Variants in CDH23 observed in about 807,000 individuals in gnomAD.
The protein encoded by CDH23 is cadherin related 23, also known as cadherin-23.
In CDH23, 189 loss-of-function variants were observed where a neutral mutation model predicts 317.1. That is an observed-to-expected ratio of 0.60 (90% CI 0.53 to 0.67). CDH23 has a LOEUF of 0.67. CDH23 is among the 30% of genes least tolerant of loss of function. The pLI, the probability that CDH23 is intolerant of heterozygous loss-of-function variation, is 0.00. For missense variants in CDH23, 4,401 were observed against 4,592.4 expected (o/e 0.96, Z 1.20); for synonymous variants, 1,839 against 1,876.8 (o/e 0.98, Z 0.52).
intron 3 of CDH23, among the ~76,000 whole-genome samples, chr10:71,484,766 T>C (rs1444615000): frequency 2.0e-5 from 3 of 152,228 alleles, no homozygotes; most frequent in African/African-American, 7.2e-5. Context: ...GTTTTTGGTA[T>C]ATACATTCTG....
At chr10:71,495,981 C>A (rs567679958) in intron 3 of CDH23, among the ~76,000 whole-genome samples, 3 of 152,242 alleles carry the variant, frequency 2.0e-5, no homozygotes, top group South Asian at 2.1e-4. Flanking sequence ...ATATTCAGAA[C>A]CTGAAAGTCT....
At chr10:71,558,265 G>C (rs1041657573) in intron 6 of CDH23, among the ~76,000 whole-genome samples, 2 of 152,126 alleles carry the variant, frequency 1.3e-5, no homozygotes, top group African/African-American at 4.8e-5. Flanking sequence ...CTCCCAAAGT[G>C]CTGGGATTAC....
intron 31 of CDH23, among the ~76,000 whole-genome samples, chr10:71,731,219 G>A (rs1357130336): frequency 2.6e-5 from 4 of 152,248 alleles, no homozygotes; most frequent in African/African-American, 9.6e-5. Context: ...CAGGGATACA[G>A]CTGAAAAGGA....
intron 11 of CDH23, among the ~76,000 whole-genome samples, chr10:71,636,882 C>T (rs187384346): frequency 6.6e-6 from 1 of 152,206 alleles, no homozygotes; most frequent in African/African-American, 2.4e-5. Flanking sequence ...GGCAGAGCCA[C>T]CCACCATGTG....
intron 1 of CDH23, among the ~76,000 whole-genome samples, chr10:71,424,531 C>G (rs984845702): frequency 1.3e-5 from 2 of 152,176 alleles, no homozygotes; most frequent in Non-Finnish European, 1.5e-5. Flanking sequence ...TCGATACCCC[C>G]ACTCATCCCC....
chr10:71,798,575 G>A lies in CDH23; in HGVS notation c.7051G>A (p.Ala2351Thr), dbSNP rs1260405745. The A allele has an allele frequency of 6.2e-7, 1 of 1,606,786 alleles. No homozygotes were observed. The highest frequency in any genetic ancestry group is 1.1e-5 in the South Asian group (1 of 90,534). ...PGYVQLEDSS[A>T]GKVIANRTVD... ...GTATGTCCAGCTGGAGGACTCCTCG[G>A]CAGGTAGGTTAGAAATCTGTCAGAG... Residue 2351 changes from alanine to threonine, a missense_variant, in exon 50 of 70, where the codon GCA (alanine) becomes ACA (threonine). Physicochemically the swap from Ala to Thr is moderately conservative, Grantham distance 58. Coordinates refer to ENST00000224721, the MANE Select transcript of CDH23 (RefSeq NM_022124.6).
chr10:71,746,509 G>A lies in CDH23; in HGVS notation c.4845+4588G>A, dbSNP rs998781509. Among the ~76,000 whole-genome samples the A allele has an allele frequency of 4.6e-5, 7 of 152,246 alleles. No individual in the cohort carries two copies. The East Asian group carries it at 1.3e-3, about 29-fold the overall frequency. On this transcript the variant is annotated intron_variant, in intron 38 of 69. Coordinates refer to ENST00000224721, the MANE Select transcript of CDH23 (RefSeq NM_022124.6). The stretch of plus-strand genomic sequence containing the variant: ...CACAATGGTGTGCCACTGGCCGGGG[G>A]AGTCATTGTGGAGCCTCAGCCCCTG...
intron 22 of CDH23, among the ~76,000 whole-genome samples, chr10:71,695,932 G>A (rs982262341): frequency 2.0e-5 from 3 of 152,160 alleles, no homozygotes; most frequent in Admixed American, 6.5e-5. Flanking sequence ...CTGTGCCCCT[G>A]CAGTCATCCA....
intron 30 of CDH23, among the ~76,000 whole-genome samples, chr10:71,730,136 C>T (rs916072273): frequency 7.9e-5 from 12 of 152,080 alleles, no homozygotes; most frequent in Admixed American, 2.0e-4. Context: ...CGCGCCCGGC[C>T]GAATTATTAT....
At chr10:71,790,232 G>T in intron 45 of CDH23, 56 bp from the exon 46 acceptor site, 1 of 1,600,596 alleles carries the variant, frequency 6.2e-7, no homozygotes, top group Non-Finnish European at 8.5e-7. Context: ...GGCAGGGGAG[G>T]TGGGAGGGCA....
chr10:71,576,508 G>T (rs541716267), intron 8 of CDH23, among the ~76,000 whole-genome samples: 3 of 152,278 alleles, frequency 2.0e-5, no homozygotes, highest in South Asian at 4.1e-4. Context: ...AAGGGGGTGG[G>T]GGTGCAGCTC....
chr10:71,504,202 T>C (rs896130166), intron 3 of CDH23, among the ~76,000 whole-genome samples: 2 of 152,172 alleles, frequency 1.3e-5, no homozygotes, highest in Non-Finnish European at 2.9e-5. Context: ...TGAATAATAG[T>C]TCTCCATTCT....
chr10:71,483,367 A>G (rs1404139965), intron 3 of CDH23, among the ~76,000 whole-genome samples: 3 of 152,238 alleles, frequency 2.0e-5, no homozygotes, highest in African/African-American at 7.2e-5. Flanking sequence ...TGCCTAGGAC[A>G]GCAGCTCTTT....
intron 6 of CDH23, among the ~76,000 whole-genome samples, chr10:71,525,739 C>T (rs994437712): frequency 6.6e-6 from 1 of 152,158 alleles, no homozygotes; most frequent in Non-Finnish European, 1.5e-5. Flanking sequence ...GAGGGTTCAG[C>T]GGGGGCCTGA....
chr10:71,653,907 G>A (rs1863296519), intron 14 of CDH23, among the ~76,000 whole-genome samples: 2 of 152,192 alleles, frequency 1.3e-5, no homozygotes, highest in South Asian at 4.1e-4. Context: ...TCTGGGAGTC[G>A]GTGGAACTTC....
At chr10:71,664,944 C>A (rs1589310561) in intron 14 of CDH23, among the ~76,000 whole-genome samples, 1 of 151,738 alleles carries the variant, frequency 6.6e-6, no homozygotes, top group Admixed American at 6.6e-5. Context: ...TTTCTGATGT[C>A]CTTTCCTCCC....
Position 71,760,970 on chromosome 10 carries a change from G to A in CDH23, c.4846-16710G>A, listed in dbSNP as rs1589405034. 7.6e-6 allele frequency: 12 copies of A among 1,583,488 alleles called. No individual in the cohort carries two copies. The East Asian group carries it at 2.5e-4, about 32-fold the overall frequency. ...GCCATTAGGTGGGTGTCAGGCCCAG[G>A]AGGCCAGGGAGGCTTGTCCAGGCCA... On this transcript the variant is annotated intron_variant, in intron 38 of 69. Transcript: ENST00000224721.
intron 34 of CDH23, among the ~76,000 whole-genome samples, chr10:71,735,884 G>C (rs75723102): frequency 6.6e-6 from 1 of 152,184 alleles, no homozygotes; most frequent in Admixed American, 6.5e-5. Context: ...TGAGCAGAGC[G>C]CTCGGGCAGT....
intron 9 of CDH23, among the ~76,000 whole-genome samples, chr10:71,604,398 C>G (rs1342405330): frequency 1.3e-5 from 2 of 152,232 alleles, no homozygotes; most frequent in Admixed American, 6.5e-5. Context: ...CTGAGCACCT[C>G]GTCTGCCACG....
Sources: gnomAD v4.1 joint callset for allele counts (sites outside exome capture counted in the v4.1 genomes callset) on GRCh38, gnomAD v4.1.1 for gene constraint, MANE v1.5 for transcripts, NCBI Gene and HGNC (gene_info 2026-07-23, HGNC 2026-07-21) for gene names.